COL4A2: variants seen among roughly 807,000 people sequenced by gnomAD.
COL4A2 encodes collagen alpha-2(IV) chain.
COL4A2 carries 99 observed loss-of-function variants against 200.2 expected under a neutral mutation model. The ratio of observed to expected loss-of-function variants is 0.49; its 90% confidence interval spans 0.42 to 0.58. The LOEUF (loss-of-function observed/expected upper bound fraction) is 0.58. Among genes scored for constraint, COL4A2 ranks in the 20% least tolerant of loss-of-function variants. COL4A2 has a pLI of 0.00. For missense variants in COL4A2, 1,950 were observed against 2,314.1 expected, an observed-to-expected ratio of 0.84 and a Z score of 3.23; for synonymous variants, 897 against 900.6, an observed-to-expected ratio of 1.00 and a Z score of 0.07.
At chr13:110,350,110 A>T (rs1594162474) in intron 3 of COL4A2, among the ~76,000 whole-genome samples, 1 of 152,232 alleles carries the variant, frequency 6.6e-6, no homozygotes, top group East Asian at 1.9e-4. Flanking sequence ...TTTAAATAAG[A>T]CTCCAAGGAA....
At chr13:110,325,320 C>T (rs995714736) in intron 3 of COL4A2, among the ~76,000 whole-genome samples, 2 of 152,184 alleles carry the variant, frequency 1.3e-5, no homozygotes, top group African/African-American at 2.4e-5. Flanking sequence ...TCCTCCCCAC[C>T]TGTTACCTCC....
At chr13:110,445,106 T>C (rs6492275) in intron 16 of COL4A2, among the ~76,000 whole-genome samples, 123,739 of 152,100 alleles carry the variant, frequency 0.81, 50,539 homozygotes, top group Middle Eastern at 0.91. Context: ...CCACCTTGGC[T>C]TCCCGAAGTG....
chr13:110,476,429 C>T (rs9521797), intron 29 of COL4A2, among the ~76,000 whole-genome samples: 63,742 of 152,150 alleles, frequency 0.42, 13,477 homozygotes, highest in Middle Eastern at 0.52. Context: ...ACCTCGGCTT[C>T]GAGTGCGCCT....
intron 4 of COL4A2, among the ~76,000 whole-genome samples, chr13:110,404,982 G>T (rs1035539155): frequency 6.6e-6 from 1 of 152,182 alleles, no homozygotes; most frequent in Non-Finnish European, 1.5e-5. Context: ...AGGCATGATG[G>T]TGCATGCCTG....
At chr13:110,359,192 T>C (rs745968439) in intron 4 of COL4A2, among the ~76,000 whole-genome samples, 1 of 152,196 alleles carries the variant, frequency 6.6e-6, no homozygotes, top group Non-Finnish European at 1.5e-5. Flanking sequence ...CCCCAAATCA[T>C]CACCATTACA....
At chr13:110,441,748 A>G (rs1352328865) in intron 16 of COL4A2, among the ~76,000 whole-genome samples, 1 of 152,100 alleles carries the variant, frequency 6.6e-6, no homozygotes, top group Non-Finnish European at 1.5e-5. Flanking sequence ...GTGCTGGTAA[A>G]ATTATAATTA....
At chr13:110,427,551 T>C (rs1168401987) in intron 6 of COL4A2, among the ~76,000 whole-genome samples, 1 of 152,218 alleles carries the variant, frequency 6.6e-6, no homozygotes, top group African/African-American at 2.4e-5. Flanking sequence ...GTTTGGTTTA[T>C]TATCAAGAAA....
intron 31 of COL4A2, among the ~76,000 whole-genome samples, 195 bp downstream of exon 31, chr13:110,480,585 G>T (rs567499974): frequency 1.3e-5 from 2 of 152,304 alleles, no homozygotes; most frequent in African/African-American, 4.8e-5. Context: ...GCTTAGACGC[G>T]GGTGGGACCA....
intron 32 of COL4A2, among the ~76,000 whole-genome samples, chr13:110,483,949 T>C (rs941795417): frequency 3.9e-5 from 6 of 152,222 alleles, no homozygotes; most frequent in African/African-American, 1.4e-4. Context: ...TTGGAAAACC[T>C]TAATTACTCT....
chr13:110,448,795 T>G (rs1566538865), intron 18 of COL4A2, among the ~76,000 whole-genome samples: 1 of 152,316 alleles, frequency 6.6e-6, no homozygotes, highest in East Asian at 1.9e-4. Context: ...TACTTTTCAG[T>G]GTGTTTACCC....
intron 20 of COL4A2, chr13:110,456,537 T>C (rs770285640): frequency 8.5e-6 from 3 of 354,002 alleles, no homozygotes; most frequent in Non-Finnish European, 1.7e-5. Context: ...CCCTATAGTT[T>C]AATGGAAAAA....
chr13:110,501,561 G>T (rs1007684259), intron 40 of COL4A2, 107 bp from the exon 41 acceptor site: 3 of 1,005,206 alleles, frequency 3.0e-6, no homozygotes, highest in South Asian at 2.6e-5. Flanking sequence ...TCACTGTCTC[G>T]CTCGCTAGGC....
At chr13:110,382,458 G>A (rs1878528304) in intron 4 of COL4A2, among the ~76,000 whole-genome samples, 1 of 152,194 alleles carries the variant, frequency 6.6e-6, no homozygotes, top group Non-Finnish European at 1.5e-5. Context: ...ATCAAAACAG[G>A]TGCTGGAGAC....
Position 110,357,565 on chromosome 13 carries a change from A to G in COL4A2, c.180+13A>G, listed in dbSNP as rs1877333842. ...GAAAGGTGGACGTGTAAGTCACAGC[A>G]TTGCAATAAATAATATTATCTTCCT... On this transcript the variant is annotated intron_variant, in intron 4 of 47. Coordinates refer to ENST00000360467, the MANE Select transcript of COL4A2 (RefSeq NM_001846.4). 6.4e-7 allele frequency: 1 copy of G among 1,565,006 alleles called. No homozygotes were observed. The highest frequency in any genetic ancestry group is 2.4e-5 in the East Asian group (1 of 41,990).
At chr13:110,469,089 C>A in intron 27 of COL4A2, 128 bp from the exon 28 acceptor site, 2 of 1,047,496 alleles carry the variant, frequency 1.9e-6, no homozygotes, top group Non-Finnish European at 1.4e-6. Context: ...CTGTTTCAGG[C>A]TGATATTCCC....
rs530357314 is a variant in COL4A2, at chr13:110,415,887, A to G, written c.181-8847A>G. Reference sequence around the variant, plus strand: ...TGGGGTAATGACAGTCACATGGCACAATGGGAACACACCATCTCAGCCATG... The same window carrying G: ...TGGGGTAATGACAGTCACATGGCACGATGGGAACACACCATCTCAGCCATG... On this transcript the variant is annotated intron_variant, in intron 4 of 47. Transcript: ENST00000360467. 8.5e-5 allele frequency among the ~76,000 whole-genome samples: 13 copies of G among 152,362 alleles called. No individual in the cohort carries two copies. In the East Asian group the frequency reaches 2.5e-3, roughly 29 times the overall value.
At chr13:110,411,371 A>G (rs1461763692) in intron 4 of COL4A2, among the ~76,000 whole-genome samples, 2 of 152,266 alleles carry the variant, frequency 1.3e-5, no homozygotes, top group Admixed American at 6.5e-5. Flanking sequence ...TAGAGAAAGC[A>G]TAGGTTATGT....
chr13:110,408,224 G>A (rs545872858), intron 4 of COL4A2, among the ~76,000 whole-genome samples: 42 of 152,306 alleles, frequency 2.8e-4, no homozygotes, highest in African/African-American at 9.6e-4. Flanking sequence ...CTGTGCTGGG[G>A]CCACAAGGGT....
Position 110,307,975 on chromosome 13 carries a change from G to A in COL4A2, c.44+28G>A. ...AAGCGACTTTCTGCCTGGTCCCCGT[G>A]GGTCACGCGCGCATGGACCCTTCGG... On this transcript the variant is annotated intron_variant, in intron 2 of 47. Transcript: ENST00000360467. The surrounding 1 kb of genome is among the most constrained non-coding windows in gnomAD (Gnocchi z 5.0). 3 of 1,612,310 alleles carry A rather than the reference G, an allele frequency of 1.9e-6. No individual in the cohort carries two copies. The highest frequency in any genetic ancestry group is 2.5e-6 in the Non-Finnish European group (3 of 1,179,314).
Sources: allele counts gnomAD v4.1 joint callset (sites outside exome capture counted in the v4.1 genomes callset), GRCh38; gene constraint gnomAD v4.1.1; non-coding constraint Gnocchi (gnomAD v3.1); transcripts MANE v1.5; gene names NCBI Gene and HGNC (gene_info 2026-07-23, HGNC 2026-07-21).